The following GALNT13 variants were observed in gnomAD, a reference collection of about 807,000 sequenced individuals.
The protein encoded by GALNT13 is UDP-GalNAc:polypeptide N-acetylgalactosaminyltransferase 13.
A neutral mutation model predicts 64.2 loss-of-function variants in GALNT13; 28 were observed. That is an observed-to-expected ratio of 0.44 (90% CI 0.32 to 0.60). The LOEUF is 0.60. Ranked by LOEUF, GALNT13 falls within the 20% of genes least tolerant of loss-of-function variation. The pLI is 0.05. For missense variants in GALNT13, 577 were observed against 669.8 expected, an observed-to-expected ratio of 0.86 and a Z score of 1.53; for synonymous variants, 214 against 224.6, an observed-to-expected ratio of 0.95 and a Z score of 0.42.
intron 9 of GALNT13, among the ~76,000 whole-genome samples, chr2:154,321,108 A>C (rs967354754): frequency 6.6e-6 from 1 of 152,150 alleles, no homozygotes; most frequent in African/African-American, 2.4e-5. Flanking sequence ...GAAAGATGAG[A>C]GGGGATACAA....
intron 3 of GALNT13, among the ~76,000 whole-genome samples, chr2:154,119,136 T>A (rs1681780331): frequency 6.6e-6 from 1 of 152,156 alleles, no homozygotes; most frequent in Non-Finnish European, 1.5e-5. Context: ...TATACTCCCT[T>A]AGCTTTTGTT....
chr2:153,134,431 G>C, the GALNT13 span, among the ~76,000 whole-genome samples: 1 of 151,714 alleles, frequency 6.6e-6, no homozygotes, highest in Non-Finnish European at 1.5e-5. Context: ...TGCATCCTCT[G>C]AAAGGGTTAA....
the GALNT13 span, among the ~76,000 whole-genome samples, chr2:153,581,598 G>T: frequency 1.3e-5 from 2 of 151,998 alleles, no homozygotes; most frequent in African/African-American, 4.8e-5. Flanking sequence ...GTACTCATAA[G>T]AACTGAATCT....
chr2:153,179,509 G>A, the GALNT13 span, among the ~76,000 whole-genome samples: 1 of 151,682 alleles, frequency 6.6e-6, no homozygotes, highest in African/African-American at 2.4e-5. Flanking sequence ...TCTTCTTTTT[G>A]CTTATGATTG....
chr2:153,315,105 A>G, the GALNT13 span, among the ~76,000 whole-genome samples: 79 of 152,336 alleles, frequency 5.2e-4, no homozygotes, highest in African/African-American at 1.8e-3. Flanking sequence ...GTTTTCAAGA[A>G]AAGGGTTATT....
intron 3 of GALNT13, among the ~76,000 whole-genome samples, chr2:154,018,666 G>A (rs1325381063): frequency 1.3e-5 from 2 of 151,718 alleles, no homozygotes; most frequent in African/African-American, 2.4e-5. Flanking sequence ...ATGATGAAGA[G>A]GGTGAGGGGC....
At chr2:154,002,208 A>T (rs1695957981) in intron 3 of GALNT13, among the ~76,000 whole-genome samples, 1 of 152,044 alleles carries the variant, frequency 6.6e-6, no homozygotes, top group South Asian at 2.1e-4. Flanking sequence ...TGTTGTTGTT[A>T]TTCTCCATAT....
At chr2:154,411,069 A>T (rs186898450) in intron 11 of GALNT13, among the ~76,000 whole-genome samples, 16 of 151,992 alleles carry the variant, frequency 1.1e-4, no homozygotes, top group Non-Finnish European at 1.8e-4. Context: ...TAGATGAAAG[A>T]TTGTATTGCC....
the GALNT13 span, among the ~76,000 whole-genome samples, chr2:153,164,583 C>T: frequency 2.0e-5 from 3 of 152,032 alleles, no homozygotes; most frequent in Admixed American, 1.3e-4. Context: ...ATCTGTGACC[C>T]CATCATCACA....
intron 9 of GALNT13, among the ~76,000 whole-genome samples, chr2:154,357,442 A>G (rs1449135065): frequency 6.6e-6 from 1 of 151,968 alleles, no homozygotes; most frequent in Non-Finnish European, 1.5e-5. Context: ...TTCTCATTCA[A>G]CTACATGCAC....
At chr2:153,678,961 A>G in the GALNT13 span, among the ~76,000 whole-genome samples, 1 of 152,018 alleles carries the variant, frequency 6.6e-6, no homozygotes, top group African/African-American at 2.4e-5. Flanking sequence ...AGAAGCAGTC[A>G]TCTCTTTATT....
the GALNT13 span, among the ~76,000 whole-genome samples, chr2:153,269,064 C>T: frequency 0.13 from 20,142 of 152,196 alleles, 1,659 homozygotes; most frequent in Non-Finnish European, 0.18. Context: ...ACATTTGGCT[C>T]TTTGTTACTT....
chr2:153,671,780 C>G, the GALNT13 span, among the ~76,000 whole-genome samples: 2 of 152,094 alleles, frequency 1.3e-5, no homozygotes, highest in Non-Finnish European at 2.9e-5. Flanking sequence ...AGTCAAGACC[C>G]GTTGGTGTGC....
At chr2:153,249,700 C>T in the GALNT13 span, among the ~76,000 whole-genome samples, 3 of 152,084 alleles carry the variant, frequency 2.0e-5, no homozygotes, top group Non-Finnish European at 4.4e-5. Context: ...TGGAACAGAA[C>T]AGAGACCTCA....
the GALNT13 span, among the ~76,000 whole-genome samples, chr2:153,503,648 C>G: frequency 6.6e-6 from 1 of 152,184 alleles, no homozygotes; most frequent in East Asian, 1.9e-4. Flanking sequence ...ACCCCGTTGG[C>G]CAGGCTGGTA....
At chr2:154,378,304 T>C (rs148853710) in intron 9 of GALNT13, among the ~76,000 whole-genome samples, 4 of 152,276 alleles carry the variant, frequency 2.6e-5, no homozygotes, top group East Asian at 1.9e-4. Context: ...TGGTTGACTA[T>C]CTTAGGAATG....
intron 3 of GALNT13, among the ~76,000 whole-genome samples, chr2:154,021,559 G>C (rs1283162767): frequency 6.6e-6 from 1 of 152,116 alleles, no homozygotes; most frequent in Non-Finnish European, 1.5e-5. Flanking sequence ...TTTGTATCCT[G>C]AGACTTTGCT....
intron 9 of GALNT13, among the ~76,000 whole-genome samples, chr2:154,373,486 A>G (rs894838035): frequency 6.6e-6 from 1 of 152,138 alleles, no homozygotes; most frequent in African/African-American, 2.4e-5. Context: ...TCTGGTTCAG[A>G]CCTTCAATCT....
the GALNT13 span, among the ~76,000 whole-genome samples, chr2:153,593,920 A>G: frequency 1.3e-5 from 2 of 152,142 alleles, no homozygotes; most frequent in Non-Finnish European, 2.9e-5. Context: ...TGAAGACTGA[A>G]GCTCCATGAA....
Sources: gnomAD v4.1 joint callset for allele counts (sites outside exome capture counted in the v4.1 genomes callset) on GRCh38, gnomAD v4.1.1 for gene constraint, MANE v1.5 for transcripts, NCBI Gene and HGNC (gene_info 2026-07-23, HGNC 2026-07-21) for gene names.